EYS: variants seen among roughly 807,000 people sequenced by gnomAD.
EYS encodes the protein EGF-like photoreceptor maintenance factor, also known as protein eyes shut homolog.
A neutral mutation model predicts 282.1 loss-of-function variants in EYS; 250 were observed. The ratio of observed to expected loss-of-function variants is 0.89; its 90% CI spans 0.80 to 0.98. The LOEUF (loss-of-function observed/expected upper bound fraction) is 0.98. EYS is among the 50% of genes least tolerant of loss of function. The pLI, the probability that EYS is intolerant of heterozygous loss-of-function variation, is 0.00. For missense variants in EYS, 4,016 were observed against 3,709.0 expected (o/e 1.08, Z -2.15); for synonymous variants, 1,355 against 1,282.9 (o/e 1.06, Z -1.20).
chr6:63,795,031 T>G (rs530516991), intron 37 of EYS, among the ~76,000 whole-genome samples: 5 of 152,126 alleles, frequency 3.3e-5, no homozygotes, highest in Non-Finnish European at 5.9e-5. Flanking sequence ...GTTAAGCATA[T>G]CAAGATCTGG....
chr6:65,287,094 A>T (rs946043634), intron 12 of EYS, among the ~76,000 whole-genome samples: 2 of 151,496 alleles, frequency 1.3e-5, no homozygotes, highest in Non-Finnish European at 3.0e-5. Flanking sequence ...GGGCAGGTAT[A>T]CAGAGGGGAA....
chr6:65,626,143 A>G (rs1191462417), intron 2 of EYS, among the ~76,000 whole-genome samples: 2 of 151,762 alleles, frequency 1.3e-5, no homozygotes, highest in African/African-American at 4.8e-5. Context: ...CACGTTTTGA[A>G]CCTCCTAGAC....
At position 65,657,087 on chromosome 6, in the gene EYS, A is replaced by T. The variant is rs570371728; in HGVS notation, c.-447-17195T>A. On this transcript the variant is annotated intron_variant, in intron 1 of 42. Transcript: ENST00000503581. ...CATCTGTTTACAGCATGATTTACTG[A>T]CTATGTTAAGCCCACTCTTGAGACA... Among the ~76,000 whole-genome samples, 9 of 151,930 alleles carry T rather than the reference A, an allele frequency of 5.9e-5. 1 individual carries two copies. The East Asian group carries it at 1.7e-3, about 29-fold the overall frequency.
intron 41 of EYS, among the ~76,000 whole-genome samples, chr6:63,741,414 A>C (rs1769072269): frequency 6.6e-6 from 1 of 152,242 alleles, no homozygotes; most frequent in Non-Finnish European, 1.5e-5. Context: ...TTTCTAAAAC[A>C]ATATTTTGAG....
At chr6:64,324,458 G>C (rs137959862) in intron 29 of EYS, among the ~76,000 whole-genome samples, 1 of 152,062 alleles carries the variant, frequency 6.6e-6, no homozygotes, top group Non-Finnish European at 1.5e-5. Flanking sequence ...AACCTTCAAC[G>C]AACTAGGCAT....
At chr6:64,241,364 CATCTGGTTTT>C (rs1474727653) in intron 30 of EYS, among the ~76,000 whole-genome samples, 3 of 152,166 alleles carry the variant, frequency 2.0e-5, no homozygotes, top group Non-Finnish European at 2.9e-5. Context: ...GCCATGAACC[CATCTGGTTTT>C]GGACTTTTTT....
Position 63,788,128 on chromosome 6 carries a change from G to C in EYS, c.7700C>G (p.Ala2567Gly). Residue 2567 changes from alanine (A) to glycine (G), a missense_variant, in exon 39 of 43, where the codon GCA becomes GGA. By Grantham distance (60) the Ala-to-Gly change is moderately conservative. Coordinates refer to ENST00000503581, the MANE Select transcript of EYS (RefSeq NM_001142800.2). ...EYTPDLLPNGADFKNGFQGCI... is the reference protein window; with the variant it reads ...EYTPDLLPNGGDFKNGFQGCI... ...ACCTTGAAAACCATTTTTAAAATCTGCTCCATTTGGTAAGAGATCTGGAGT... is the reference window on the plus strand; with the variant it reads ...ACCTTGAAAACCATTTTTAAAATCTCCTCCATTTGGTAAGAGATCTGGAGT... The C allele has an allele frequency of 6.5e-7, 1 of 1,541,328 alleles. No homozygotes were observed. Among genetic ancestry groups the C allele is most frequent in the Non-Finnish European group, 8.7e-7 (1 of 1,144,116 alleles).
At chr6:65,614,121 T>C (rs1163897279) in intron 2 of EYS, among the ~76,000 whole-genome samples, 4 of 152,000 alleles carry the variant, frequency 2.6e-5, no homozygotes, top group African/African-American at 9.6e-5. Context: ...CCATTATCTT[T>C]AGGTTTATAT....
chr6:64,136,603 A>C (rs79388397), intron 31 of EYS, among the ~76,000 whole-genome samples: 12,878 of 152,166 alleles, frequency 0.085, 1,695 homozygotes, highest in African/African-American at 0.28. Flanking sequence ...AGGCATGAAA[A>C]AAAATTAATC....
At chr6:65,634,777 T>C (rs1221177886) in intron 2 of EYS, among the ~76,000 whole-genome samples, 2 of 152,228 alleles carry the variant, frequency 1.3e-5, no homozygotes, top group Non-Finnish European at 2.9e-5. Context: ...AAATATTTCC[T>C]GAGGCCCTGC....
rs113795699 is a variant in EYS at position 65,332,712 on chromosome 6, A to T, written c.1766+2268T>A. The stretch of plus-strand genomic sequence containing the variant: ...GAGGAGGTGGTGAATAACTACTCTT[A>T]ATTTTGCTTTAAATATCTGTTACAA... On this transcript the variant is annotated intron_variant, in intron 11 of 42. Transcript: ENST00000503581. Among the ~76,000 whole-genome samples the T allele has an allele frequency of 9.7e-3, 1,470 of 151,358 alleles. 18 individuals carry two copies. The highest frequency in any genetic ancestry group is 0.034 in the African/African-American group (1,405 of 41,422).
At chr6:65,276,841 A>G (rs1215330875) in intron 12 of EYS, among the ~76,000 whole-genome samples, 1 of 152,176 alleles carries the variant, frequency 6.6e-6, no homozygotes, top group Non-Finnish European at 1.5e-5. Context: ...ACAGAAAAAG[A>G]TAACTGTAAT....
intron 33 of EYS, among the ~76,000 whole-genome samples, chr6:64,058,083 T>G (rs1258805657): frequency 6.6e-6 from 1 of 151,756 alleles, no homozygotes; most frequent in East Asian, 1.9e-4. Context: ...AGTGGGAGGG[T>G]TTTCCTGTGC....
rs147181289 is a variant in EYS at position 63,885,667 on chromosome 6, A to G, written c.7056-21309T>C. ...TCAGAAATACAGATCTATAGTTCTC[A>G]CCAAGGAGCTACTTACTAGAAGCAG... is the stretch of plus-strand genomic sequence containing the variant. On this transcript the variant is annotated intron_variant, in intron 35 of 42. Coordinates refer to ENST00000503581, the MANE Select transcript of EYS (RefSeq NM_001142800.2). 2.3e-3 allele frequency among the ~76,000 whole-genome samples: 349 copies of G among 152,250 alleles called. 5 individuals are homozygous for G. The highest frequency in any genetic ancestry group is 0.02 in the Admixed American group (313 of 15,290).
chr6:65,523,677 A>G (rs1334986825), intron 2 of EYS, among the ~76,000 whole-genome samples: 3 of 152,196 alleles, frequency 2.0e-5, no homozygotes, highest in Non-Finnish European at 4.4e-5. Context: ...CAATTTTATT[A>G]AAAATAACTT....
At position 64,358,069 on chromosome 6, in the gene EYS, G is replaced by C. The variant is rs79464242; in HGVS notation, c.6078+30621C>G. Among the ~76,000 whole-genome samples, 675 of 151,676 alleles carry C rather than the reference G, an allele frequency of 4.5e-3. 23 individuals are homozygous for C. In the East Asian group the frequency reaches 0.1, roughly 23 times the overall value. On this transcript the variant is annotated intron_variant, in intron 29 of 42. Transcript: ENST00000503581. ...TAAAATGGATATGTCTCCTGTTATT[G>C]GATAATGATGATGAATTCCTGATTG...
At chr6:64,004,689 CT>C (rs1768260517) in intron 33 of EYS, among the ~76,000 whole-genome samples, 1 of 152,078 alleles carries the variant, frequency 6.6e-6, no homozygotes, top group Admixed American at 6.6e-5. Flanking sequence ...TAATATTTAC[CT>C]CCCACTTGTA....
intron 29 of EYS, among the ~76,000 whole-genome samples, chr6:64,376,753 G>T (rs1324565305): frequency 6.6e-6 from 1 of 151,870 alleles, no homozygotes; most frequent in Non-Finnish European, 1.5e-5. Context: ...TTCGTCATTT[G>T]AGGCTTACAA....
chr6:64,408,147 A>C (rs1001497289), intron 28 of EYS, among the ~76,000 whole-genome samples: 2 of 152,098 alleles, frequency 1.3e-5, no homozygotes, highest in Admixed American at 1.3e-4. Context: ...TTAATGGAAG[A>C]GCAAATGGAG....
Sources: allele counts gnomAD v4.1 joint callset (sites outside exome capture counted in the v4.1 genomes callset), GRCh38; gene constraint gnomAD v4.1.1; transcripts MANE v1.5; gene names NCBI Gene and HGNC (gene_info 2026-07-23, HGNC 2026-07-21).